Variants in TPST1 observed in about 807,000 individuals in gnomAD.
TPST1 encodes the protein tyrosylprotein sulfotransferase 1, also known as protein-tyrosine sulfotransferase 1.
In TPST1, 20 loss-of-function variants were observed where a neutral mutation model predicts 34.8. That is an observed-to-expected ratio of 0.57 (90% CI 0.40 to 0.84). TPST1 has a LOEUF of 0.84. TPST1 is among the 40% of genes least tolerant of loss of function. TPST1 has a pLI of 0.00. For synonymous variants in TPST1, 152 were observed against 159.4 expected, an observed-to-expected ratio of 0.95 and a Z score of 0.35; for missense variants, 353 against 455.5, an observed-to-expected ratio of 0.78 and a Z score of 2.05.
chr7:66,262,153 T>A (rs1790501677), intron 2 of TPST1, among the ~76,000 whole-genome samples: 1 of 152,166 alleles, frequency 6.6e-6, no homozygotes, highest in African/African-American at 2.4e-5. Flanking sequence ...GGTCCAGTGG[T>A]TCTCCTTGCT....
chr7:66,281,996 T>C (rs1244983965), intron 2 of TPST1, among the ~76,000 whole-genome samples: 1 of 150,760 alleles, frequency 6.6e-6, no homozygotes, highest in Non-Finnish European at 1.5e-5. Flanking sequence ...GAGAACTTGC[T>C]GAGTCACAGA....
chr7:66,324,800 CAA>C (rs56389964), intron 3 of TPST1, among the ~76,000 whole-genome samples: 187 of 109,148 alleles, frequency 1.7e-3, no homozygotes, highest in East Asian at 0.011. Flanking sequence ...GACTCTGTCT[CAA>C]AAAAAAAAAA....
rs550525450 is a variant in TPST1, at chr7:66,258,139, GT to G, written c.845+16878del. ...TTCCCTTTTCTTACTCTCTATGTCTGTTTTTTTTTAATATAGTTATGCTTCC... is the reference window on the plus strand; with the variant it reads ...TTCCCTTTTCTTACTCTCTATGTCTGTTTTTTTTAATATAGTTATGCTTCC... On this transcript the variant is annotated intron_variant, in intron 2 of 5. Transcript: ENST00000304842. Among the ~76,000 whole-genome samples, 11 of 150,232 alleles carry G rather than the reference GT, an allele frequency of 7.3e-5. No individual in the cohort carries two copies. In the South Asian group the frequency reaches 1.9e-3, roughly 26 times the overall value.
rs1223258278 is a variant in TPST1 at position 66,346,952 on chromosome 7, G to C, written c.1045-5553G>C. Among the ~76,000 whole-genome samples the C allele has an allele frequency of 2.0e-5, 3 of 149,856 alleles. No homozygotes were observed. The East Asian group carries it at 5.9e-4, about 29-fold the overall frequency. On this transcript the variant is annotated intron_variant, in intron 3 of 5. Transcript: ENST00000304842. ...AATGTTTTCTTTTAGCAGCTTCATA[G>C]TTTGAGGTTTTAGATTTAAGTATTT...
intron 3 of TPST1, among the ~76,000 whole-genome samples, chr7:66,338,398 C>T (rs977379700): frequency 1.3e-5 from 2 of 152,166 alleles, no homozygotes; most frequent in African/African-American, 2.4e-5. Flanking sequence ...GGAACATCCA[C>T]ACTTTCAATG....
chr7:66,295,728 T>A (rs1791178984), intron 3 of TPST1, among the ~76,000 whole-genome samples: 1 of 152,190 alleles, frequency 6.6e-6, no homozygotes, highest in Non-Finnish European at 1.5e-5. Flanking sequence ...GCAACCTGTG[T>A]CTCCTGGGTT....
chr7:66,301,746 C>T (rs1448689332), intron 3 of TPST1, among the ~76,000 whole-genome samples: 1 of 152,140 alleles, frequency 6.6e-6, no homozygotes, highest in Non-Finnish European at 1.5e-5. Flanking sequence ...GTTATATGGG[C>T]TTAGGATCGT....
chr7:66,351,781 G>C (rs1792484347), intron 3 of TPST1, among the ~76,000 whole-genome samples: 1 of 151,642 alleles, frequency 6.6e-6, no homozygotes, highest in African/African-American at 2.4e-5. Flanking sequence ...GTCTGTTTAT[G>C]TGGGTCTTTA....
intron 1 of TPST1, among the ~76,000 whole-genome samples, chr7:66,206,718 C>G (rs1374329577): frequency 6.6e-6 from 1 of 152,124 alleles, no homozygotes; most frequent in Non-Finnish European, 1.5e-5. Context: ...GCCCCTACCT[C>G]CCAGCTAAAG....
At chr7:66,282,353 GCA>G (rs549153675) in intron 2 of TPST1, among the ~76,000 whole-genome samples, 61 of 152,300 alleles carry the variant, frequency 4.0e-4, no homozygotes, top group African/African-American at 1.3e-3. Context: ...TCTGTTGTAA[GCA>G]TTGAGCTCTT....
At chr7:66,330,920 G>A (rs927817011) in intron 3 of TPST1, among the ~76,000 whole-genome samples, 1 of 152,132 alleles carries the variant, frequency 6.6e-6, no homozygotes, top group Admixed American at 6.6e-5. Context: ...ATCAACAAAC[G>A]TGTTGTCTCA....
chr7:66,211,056 C>G (rs1789233182), intron 1 of TPST1, among the ~76,000 whole-genome samples: 1 of 151,668 alleles, frequency 6.6e-6, no homozygotes, highest in South Asian at 2.1e-4. Context: ...TTTCCTGGTA[C>G]TGTGTACATT....
At chr7:66,292,524 G>A (rs1791102757) in intron 3 of TPST1, among the ~76,000 whole-genome samples, 1 of 62,794 alleles carries the variant, frequency 1.6e-5, no homozygotes, top group Non-Finnish European at 3.1e-5. Context: ...CGTGGGCGTA[G>A]GACCCTCTGA....
At chr7:66,296,470 GT>G (rs1040146712) in intron 3 of TPST1, among the ~76,000 whole-genome samples, 48 of 152,164 alleles carry the variant, frequency 3.2e-4, no homozygotes, top group African/African-American at 9.6e-5. Context: ...AGATGCTAAT[GT>G]ATCCAGCACT....
At chr7:66,325,729 G>A (rs954105393) in intron 3 of TPST1, among the ~76,000 whole-genome samples, 25 of 152,060 alleles carry the variant, frequency 1.6e-4, no homozygotes, top group African/African-American at 5.3e-4. Flanking sequence ...TGTGCCTCCC[G>A]GATTCAAATG....
intron 1 of TPST1, among the ~76,000 whole-genome samples, chr7:66,232,408 T>C (rs1381522558): frequency 6.6e-6 from 1 of 151,930 alleles, no homozygotes; most frequent in Non-Finnish European, 1.5e-5. Context: ...AGTCTCGCTC[T>C]GTCTCCCAGG....
At chr7:66,272,406 G>A (rs200670320) in intron 2 of TPST1, among the ~76,000 whole-genome samples, 2 of 152,078 alleles carry the variant, frequency 1.3e-5, no homozygotes, top group African/African-American at 4.8e-5. Context: ...AAAGGCATTT[G>A]ACAAAATTCA....
chr7:66,293,728 T>C (rs1791136364), intron 3 of TPST1, among the ~76,000 whole-genome samples: 1 of 152,210 alleles, frequency 6.6e-6, no homozygotes. Context: ...ATTTCTTTCT[T>C]TCTGTAAATC....
At chr7:66,293,162 C>T (rs111543069) in intron 3 of TPST1, among the ~76,000 whole-genome samples, 2,735 of 150,966 alleles carry the variant, frequency 0.018, 65 homozygotes, top group East Asian at 0.092. Context: ...GTAGAGATCA[C>T]GCCACTGCAC....
Sources: allele counts gnomAD v4.1 joint callset (sites outside exome capture counted in the v4.1 genomes callset), GRCh38; gene constraint gnomAD v4.1.1; transcripts MANE v1.5; gene names NCBI Gene and HGNC (gene_info 2026-07-23, HGNC 2026-07-21).